CUX1: variants seen among roughly 807,000 people sequenced by gnomAD.
CUX1 encodes protein CASP.
In CUX1, 31 loss-of-function variants were observed where a neutral mutation model predicts 158.8. The ratio of observed to expected loss-of-function variants is 0.20; its 90% CI spans 0.15 to 0.26. CUX1 has a LOEUF of 0.26. Among genes scored for constraint, CUX1 ranks in the 10% least tolerant of loss-of-function variants. CUX1 has a pLI of 1.00. For synonymous variants in CUX1, 879 were observed against 862.1 expected (o/e 1.02, Z -0.34); for missense variants, 1,589 against 2,014.6 (o/e 0.79, Z 4.04).
intron 16 of CUX1, 35 bp downstream of exon 16, chr7:102,198,902 T>A (rs1237096760): frequency 6.3e-7 from 1 of 1,584,438 alleles, no homozygotes; most frequent in Admixed American, 1.7e-5. Flanking sequence ...TTGCAGTCAG[T>A]CACCTAGGGA....
At chr7:101,861,164 C>A (rs924124769) in intron 1 of CUX1, among the ~76,000 whole-genome samples, 5 of 152,156 alleles carry the variant, frequency 3.3e-5, no homozygotes, top group Non-Finnish European at 5.9e-5. Flanking sequence ...TCTCAGCCAC[C>A]CTGCTCCTTC....
intron 1 of CUX1, among the ~76,000 whole-genome samples, chr7:101,895,076 A>G (rs190619833): frequency 2.0e-5 from 3 of 152,154 alleles, no homozygotes; most frequent in Non-Finnish European, 4.4e-5. Context: ...GCTGGAGTGC[A>G]GTGGTGCGAT....
chr7:102,262,787 A>T (rs942724527), downstream of CUX1, among the ~76,000 whole-genome samples: 1 of 152,190 alleles, frequency 6.6e-6, no homozygotes, highest in Non-Finnish European at 1.5e-5. Flanking sequence ...GAGGAAACAG[A>T]TGCTTGCCGC....
At position 101,869,008 on chromosome 7, in the gene CUX1, C is replaced by T. The variant is rs956408665; in HGVS notation, c.31-47107C>T. On this transcript the variant is annotated intron_variant, in intron 1 of 23. Coordinates refer to ENST00000292535, the MANE Select transcript of CUX1 (RefSeq NM_181552.4). This position sits in a 1 kb window ranked among gnomAD's most constrained non-coding sequence, Gnocchi z 4.5. ...GCTGTAGGCATGATCTGGGCCATGC[C>T]CTGGGAGACGCTTCCGCAGGAGATG... 3.3e-5 allele frequency among the ~76,000 whole-genome samples: 5 copies of T among 152,162 alleles called. No individual in the cohort carries two copies. The highest frequency in any genetic ancestry group is 5.9e-5 in the Non-Finnish European group (4 of 68,038).
chr7:101,821,582 C>G (rs1431452254), intron 1 of CUX1, among the ~76,000 whole-genome samples: 1 of 151,580 alleles, frequency 6.6e-6, no homozygotes, highest in Non-Finnish European at 1.5e-5. Flanking sequence ...TAGTGATCCG[C>G]CCGCCTTGGC....
At chr7:101,939,056 T>C (rs990661538) in intron 2 of CUX1, among the ~76,000 whole-genome samples, 1 of 52,122 alleles carries the variant, frequency 1.9e-5, no homozygotes, top group Admixed American at 3.0e-4. Flanking sequence ...AAAAAAAAAA[T>C]ACATATATAT....
At chr7:102,222,108 A>G (rs2132289070) in intron 20 of CUX1, among the ~76,000 whole-genome samples, 1 of 152,152 alleles carries the variant, frequency 6.6e-6, no homozygotes, top group Admixed American at 6.6e-5. Flanking sequence ...AAAATATACA[A>G]AAATTAGCCA....
At position 102,135,571 on chromosome 7, in the gene CUX1, T is replaced by TTGTG. The variant is rs111724094; in HGVS notation, c.674+20312_674+20315dup. ...AGGGTCAACTTGTGTGTGTGTGTGTTTGTGTGTGTGTGTGTGTATGTACAC... is the reference window on the plus strand; with the variant it reads ...AGGGTCAACTTGTGTGTGTGTGTGTTTGTGTGTGTGTGTGTGTGTGTATGTACAC... On this transcript the variant is annotated intron_variant, in intron 8 of 23. Transcript: ENST00000292535. Among the ~76,000 whole-genome samples the TTGTG allele has an allele frequency of 3.3e-3, 497 of 149,346 alleles. 4 individuals carry two copies. Among genetic ancestry groups the TTGTG allele is most frequent in the African/African-American group, 0.011 (445 of 40,876 alleles).
chr7:101,972,056 TC>T (rs1255112619), intron 2 of CUX1, among the ~76,000 whole-genome samples: 3 of 152,178 alleles, frequency 2.0e-5, no homozygotes, highest in Non-Finnish European at 4.4e-5. Context: ...AAGCTCCGCC[TC>T]CCGGGTTCAC....
intron 10 of CUX1, among the ~76,000 whole-genome samples, chr7:102,175,335 A>G (rs140894563): frequency 4.3e-4 from 66 of 152,288 alleles, no homozygotes; most frequent in African/African-American, 1.4e-3. Context: ...CCCTTTTCGT[A>G]AAAGCCCTTT....
chr7:102,139,292 G>A (rs568667770), intron 8 of CUX1, among the ~76,000 whole-genome samples: 113 of 149,130 alleles, frequency 7.6e-4, no homozygotes, highest in African/African-American at 2.7e-3. Flanking sequence ...TCGACACCCA[G>A]GGTCCTTCTG....
intron 8 of CUX1, among the ~76,000 whole-genome samples, chr7:102,117,479 T>G (rs990417717): frequency 1.3e-5 from 2 of 150,030 alleles, no homozygotes; most frequent in Admixed American, 1.3e-4. Flanking sequence ...CCGGCAGGGT[T>G]TCCACGCCTG....
chr7:102,282,895 T>C (rs1312173122), intron 22 of CUX1: 1 of 616,214 alleles, frequency 1.6e-6, no homozygotes, highest in Non-Finnish European at 2.7e-6. Flanking sequence ...CAGCCCCCCA[T>C]TCTGGCCCTC....
chr7:101,887,905 G>A (rs994971184), intron 1 of CUX1, among the ~76,000 whole-genome samples: 2 of 146,424 alleles, frequency 1.4e-5, no homozygotes, highest in East Asian at 2.0e-4. Flanking sequence ...TTTGGTTTAC[G>A]GAAAGCCCAG....
intron 2 of CUX1, among the ~76,000 whole-genome samples, chr7:102,026,818 TAA>T (rs10533217): frequency 0.52 from 49,732 of 95,862 alleles, 12,331 homozygotes; most frequent in Admixed American, 0.58. Flanking sequence ...ACTCCGTCTT[TAA>T]AAAAAAAAAA....
intron 9 of CUX1, among the ~76,000 whole-genome samples, chr7:102,169,835 C>G (rs1554509923): frequency 6.6e-6 from 1 of 152,240 alleles, no homozygotes; most frequent in African/African-American, 2.4e-5. Context: ...GCTGTCCTGT[C>G]TACGTCCTCG....
intron 2 of CUX1, among the ~76,000 whole-genome samples, chr7:101,979,961 T>G (rs533031911): frequency 5.3e-5 from 8 of 152,098 alleles, no homozygotes; most frequent in African/African-American, 1.9e-4. Flanking sequence ...GCTGGGTGTT[T>G]TATTTCTTCG....
At chr7:101,973,323 A>T (rs1040349266) in intron 2 of CUX1, among the ~76,000 whole-genome samples, 5 of 151,594 alleles carry the variant, frequency 3.3e-5, no homozygotes, top group Non-Finnish European at 5.9e-5. Context: ...CTCATCTCAC[A>T]CTCACGTTCA....
chr7:102,190,181 A>T (rs968033791), intron 12 of CUX1, among the ~76,000 whole-genome samples: 10 of 152,254 alleles, frequency 6.6e-5, no homozygotes, highest in African/African-American at 2.4e-4. Flanking sequence ...TTGTTTTGCA[A>T]CTATAAATTC....
Sources: allele counts gnomAD v4.1 joint callset (sites outside exome capture counted in the v4.1 genomes callset), GRCh38; gene constraint gnomAD v4.1.1; non-coding constraint Gnocchi (gnomAD v3.1); transcripts MANE v1.5; gene names NCBI Gene and HGNC (gene_info 2026-07-23, HGNC 2026-07-21).